Variants in FXN observed in about 807,000 individuals in gnomAD.
FXN encodes the protein frataxin, mitochondrial.
FXN carries 14 observed loss-of-function variants against 22.4 expected under a neutral mutation model. That is an observed-to-expected ratio of 0.62 (90% CI 0.41 to 0.98). FXN has a LOEUF of 0.98. FXN is among the 50% of genes least tolerant of loss of function. FXN has a pLI of 0.00. For missense variants in FXN, 267 were observed against 268.4 expected, an observed-to-expected ratio of 0.99 and a Z score of 0.04; for synonymous variants, 120 against 114.1, an observed-to-expected ratio of 1.05 and a Z score of -0.33.
In FXN at chr9:69,078,294, G is replaced by C; in HGVS notation, c.*5532G>C. On this transcript the variant is annotated 3_prime_UTR_variant, in exon 5 of 5. Transcript: ENST00000484259. Reference sequence around the variant, plus strand: ...GTCCAGAGCATAGCCACCTGATCCTGCTGGGATTCCTCTTGCCAGTCCATC... The same window carrying C: ...GTCCAGAGCATAGCCACCTGATCCTCCTGGGATTCCTCTTGCCAGTCCATC... 4.1e-6 allele frequency: 4 copies of C among 985,484 alleles called. No homozygotes were observed. Among genetic ancestry groups the C allele is most frequent in the Non-Finnish European group, 4.8e-6 (4 of 829,970 alleles). The allele number at this position is 985,484 out of a possible 1,614,324, so 61.0% of individuals were successfully genotyped here.
chr9:69,065,189 A>G (rs1832147552), intron 4 of FXN, 154 bp downstream of exon 4: 7 of 691,062 alleles, frequency 1.0e-5, no homozygotes, highest in Non-Finnish European at 1.8e-5. Context: ...TCACTTGAGG[A>G]CAGGAGTTCA....
At chr9:69,052,433 C>T (rs987112926) in intron 2 of FXN, among the ~76,000 whole-genome samples, 13 of 152,080 alleles carry the variant, frequency 8.5e-5, no homozygotes, top group East Asian at 5.8e-4. Flanking sequence ...GGATTACAGA[C>T]GTGAGCCACT....
At chr9:69,044,127 T>C (rs1210674718) in intron 1 of FXN, among the ~76,000 whole-genome samples, 3 of 152,206 alleles carry the variant, frequency 2.0e-5, no homozygotes, top group Non-Finnish European at 2.9e-5. Context: ...ACCAGCAGCT[T>C]ACAGGGTACC....
intron 3 of FXN, among the ~76,000 whole-genome samples, chr9:69,061,415 T>C (rs1832071112): frequency 6.6e-6 from 1 of 152,136 alleles, no homozygotes; most frequent in Admixed American, 6.5e-5. Context: ...CTGCCCTTTC[T>C]GCTGGATTGT....
chr9:69,053,273 T>A lies in FXN; in HGVS notation c.384+13T>A, dbSNP rs772778611. 6.2e-7 allele frequency: 1 copy of A among 1,613,178 alleles called. No homozygotes were observed. Among genetic ancestry groups the A allele is most frequent in the Admixed American group, 1.7e-5 (1 of 59,978 alleles). Reference sequence around the variant, plus strand: ...TGTCTCCTTTGGGGTACCTCTTGACTTCTTTTATTTTTCTGTTTCCCCCTC... The same window carrying A: ...TGTCTCCTTTGGGGTACCTCTTGACATCTTTTATTTTTCTGTTTCCCCCTC... On this transcript the variant is annotated intron_variant, in intron 3 of 4. Coordinates refer to ENST00000484259, the MANE Select transcript of FXN (RefSeq NM_000144.5).
chr9:69,076,200 A>G lies in FXN; in HGVS notation c.*3438A>G, dbSNP rs1832364204. 2.0e-6 allele frequency: 2 copies of G among 976,896 alleles called. No homozygotes were observed. The highest frequency in any genetic ancestry group is 1.2e-6 in the Non-Finnish European group (1 of 827,860). The allele number at this position is 976,896 out of a possible 1,614,324, so 60.5% of individuals were successfully genotyped here. A position where few individuals can be genotyped will look rare whatever the true frequency, so the allele number is the denominator to read the frequency against. ...CTCTGCCTCTTACTTGTTTGTAGACACTGACAGTGGCCTCATGTTTTTTTT... is the reference window on the plus strand; with the variant it reads ...CTCTGCCTCTTACTTGTTTGTAGACGCTGACAGTGGCCTCATGTTTTTTTT... On this transcript the variant is annotated 3_prime_UTR_variant, in exon 5 of 5. Transcript: ENST00000484259.
chr9:69,046,572 A>G, intron 2 of FXN, 90 bp downstream of exon 2: 1 of 851,494 alleles, frequency 1.2e-6, no homozygotes, highest in Non-Finnish European at 2.0e-6. Flanking sequence ...CTGAGCAGCA[A>G]CAATCTTAGG....
intron 4 of FXN, among the ~76,000 whole-genome samples, chr9:69,069,264 C>T (rs538374093): frequency 2.0e-5 from 3 of 152,210 alleles, no homozygotes; most frequent in South Asian, 4.2e-4. Context: ...GCTTGGGAGA[C>T]TGAGACAGGA....
rs146948377 is a variant in FXN, at chr9:69,065,037, TA to T, written c.482+3del. 6.2e-7 allele frequency: 1 copy of T among 1,604,406 alleles called. No individual in the cohort carries two copies. The highest frequency in any genetic ancestry group is 8.5e-7 in the Non-Finnish European group (1 of 1,171,156). On this transcript the variant is annotated splice_donor_region_variant and intron_variant, in intron 4 of 4. Transcript: ENST00000484259. The stretch of plus-strand genomic sequence containing the variant: ...AATCTGGCTATCTTCTCCATCCAGG[TA>T]TGTAGGTATGTTCAGAAGTCAACAT...
chr9:69,077,596 T>A lies in FXN; in HGVS notation c.*4834T>A. ...CTGCTGTCCACTTGTGTTTCTGTGA[T>A]CTGTGGGAACATTGTTAACGCCACA... On this transcript the variant is annotated 3_prime_UTR_variant, in exon 5 of 5. Transcript: ENST00000484259. The A allele has an allele frequency of 1.0e-6, 1 of 985,482 alleles. No individual in the cohort carries two copies. The highest frequency in any genetic ancestry group is 1.2e-6 in the Non-Finnish European group (1 of 829,972). The allele number at this position is 985,482 out of a possible 1,614,324, so 61.0% of individuals were successfully genotyped here. A position where few individuals can be genotyped will look rare whatever the true frequency, so the allele number is the denominator to read the frequency against.
intron 3 of FXN, among the ~76,000 whole-genome samples, chr9:69,062,506 G>T (rs961995837): frequency 6.6e-6 from 1 of 152,026 alleles, no homozygotes; most frequent in Non-Finnish European, 1.5e-5. Context: ...ACAAACTTAC[G>T]TATTGTATAA....
chr9:69,067,142 G>A (rs1832181650), intron 4 of FXN, among the ~76,000 whole-genome samples: 1 of 152,234 alleles, frequency 6.6e-6, no homozygotes, highest in Non-Finnish European at 1.5e-5. Flanking sequence ...GATGGAGGCC[G>A]AGTCAGTCTG....
intron 2 of FXN, among the ~76,000 whole-genome samples, chr9:69,049,242 T>C (rs1831811173): frequency 6.6e-6 from 1 of 152,160 alleles, no homozygotes; most frequent in Non-Finnish European, 1.5e-5. Context: ...GTTGTGTCCT[T>C]ACGTTTCTCA....
intron 3 of FXN, among the ~76,000 whole-genome samples, chr9:69,064,720 A>C (rs999660665): frequency 6.6e-6 from 1 of 152,186 alleles, no homozygotes; most frequent in Non-Finnish European, 1.5e-5. Context: ...GCTCTATGAG[A>C]TACAACATCA....
chr9:69,068,167 G>C (rs968118102), intron 4 of FXN, among the ~76,000 whole-genome samples: 1 of 152,178 alleles, frequency 6.6e-6, no homozygotes, highest in African/African-American at 2.4e-5. Flanking sequence ...TGAGAGGATC[G>C]CATGTGGACA....
At chr9:69,054,768 A>G (rs1452652020) in intron 3 of FXN, among the ~76,000 whole-genome samples, 1 of 152,154 alleles carries the variant, frequency 6.6e-6, no homozygotes, top group Non-Finnish European at 1.5e-5. Flanking sequence ...CAGCCTCCCA[A>G]AGTGCTAGGA....
chr9:69,073,726 G>A lies in FXN; in HGVS notation c.*964G>A. On this transcript the variant is annotated 3_prime_UTR_variant, in exon 5 of 5. Coordinates refer to ENST00000484259, the MANE Select transcript of FXN (RefSeq NM_000144.5). The stretch of plus-strand genomic sequence containing the variant: ...CTGTTAAATGAGAGAATAGAGTATG[G>A]TTGATTCCCAGCATTCAGTGGTCCT... 1.0e-6 allele frequency: 1 copy of A among 985,412 alleles called. No individual in the cohort carries two copies. Among genetic ancestry groups the A allele is most frequent in the African/African-American group, 1.7e-5 (1 of 57,348 alleles). 61.0% of individuals were successfully genotyped at this position (985,412 alleles called of 1,614,324 possible). A position where few individuals can be genotyped will look rare whatever the true frequency, so the allele number is the denominator to read the frequency against.
chr9:69,046,534 C>A (rs766248658), intron 2 of FXN, 52 bp downstream of exon 2: 1 of 1,281,510 alleles, frequency 7.8e-7, no homozygotes, highest in Non-Finnish European at 1.1e-6. Flanking sequence ...TCCTTCCCTG[C>A]CTCTCCCATT....
Position 69,053,165 on chromosome 9 carries a change from A to C in FXN, c.289A>C (p.Arg97=). ...PGSLDETTYE[R]LAEETLDSLA... is the part of the protein sequence containing the mutation. ...CTCTCTAGATGAGACCACCTATGAA[A>C]GACTAGCAGAGGAAACGCTGGACTC... is the stretch of plus-strand genomic sequence containing the variant. Residue 97 remains arginine, a synonymous_variant, in exon 3 of 5, where the codon AGA becomes CGA. Transcript: ENST00000484259. The C allele has an allele frequency of 6.2e-7, 1 of 1,613,948 alleles. No individual in the cohort carries two copies. The highest frequency in any genetic ancestry group is 8.5e-7 in the Non-Finnish European group (1 of 1,179,944).
Sources: allele counts gnomAD v4.1 joint callset (sites outside exome capture counted in the v4.1 genomes callset), GRCh38; gene constraint gnomAD v4.1.1; transcripts MANE v1.5; gene names NCBI Gene and HGNC (gene_info 2026-07-23, HGNC 2026-07-21).